Variants in RORA observed in about 807,000 individuals in gnomAD.
RORA encodes RAR related orphan receptor A, also known as nuclear receptor ROR-alpha.
In RORA, 7 loss-of-function variants were observed where a neutral mutation model predicts 69.5. That is an observed-to-expected ratio of 0.10 (90% CI 0.06 to 0.19). The LOEUF is 0.19. Among genes scored for constraint, RORA ranks in the 10% least tolerant of loss-of-function variants. The pLI, the probability that RORA is intolerant of heterozygous loss-of-function variation, is 1.00. For synonymous variants in RORA, 261 were observed against 240.8 expected (o/e 1.08, Z -0.78); for missense variants, 457 against 663.0 (o/e 0.69, Z 3.41).
At chr15:60,733,914 CAGAG>C (rs58672002) in intron 1 of RORA, among the ~76,000 whole-genome samples, 12,346 of 101,414 alleles carry the variant, frequency 0.12, 738 homozygotes, top group East Asian at 0.27. Context: ...AGAATAGGGG[CAGAG>C]AGAGAGAGAG....
rs371605782 is a variant in RORA, at chr15:61,124,566, C to T, written c.166+104487G>A. 8.5e-5 allele frequency among the ~76,000 whole-genome samples: 13 copies of T among 152,310 alleles called. 1 individual carries two copies. Among genetic ancestry groups the T allele is most frequent in the South Asian group, 8.3e-4 (4 of 4,830 alleles). The stretch of plus-strand genomic sequence containing the variant: ...AAGAGAAGAATAACCCTTTAGTTTC[C>T]GATGTAGGTCATTCTTTAAAAGCAA... On this transcript the variant is annotated intron_variant, in intron 1 of 10. Transcript: ENST00000335670.
intron 1 of RORA, among the ~76,000 whole-genome samples, chr15:61,092,669 A>T (rs2078725358): frequency 6.6e-6 from 1 of 152,254 alleles, no homozygotes; most frequent in Non-Finnish European, 1.5e-5. Context: ...ATTTACTTAC[A>T]TCTCTACAAT....
chr15:60,755,648 C>A (rs952385446), intron 1 of RORA, among the ~76,000 whole-genome samples: 1 of 152,148 alleles, frequency 6.6e-6, no homozygotes, highest in African/African-American at 2.4e-5. Flanking sequence ...CAGCAGAGAG[C>A]TGAGTCTTTT....
At chr15:60,664,628 G>A (rs2070355028) in intron 2 of RORA, among the ~76,000 whole-genome samples, 1 of 152,136 alleles carries the variant, frequency 6.6e-6, no homozygotes, top group African/African-American at 2.4e-5. Context: ...TGGACTTTAC[G>A]TTACAGGCAA....
At chr15:61,066,979 A>G (rs1595940507) in intron 1 of RORA, among the ~76,000 whole-genome samples, 2 of 150,624 alleles carry the variant, frequency 1.3e-5, no homozygotes, top group African/African-American at 4.9e-5. Context: ...TAAAGGTACG[A>G]TTGTGGAAAA....
chr15:60,816,067 C>CTG (rs2072811274), intron 1 of RORA, among the ~76,000 whole-genome samples: 2 of 142,128 alleles, frequency 1.4e-5, no homozygotes, highest in Non-Finnish European at 3.0e-5. Context: ...TATTTATATA[C>CTG]TATAAACAGT....
At chr15:61,031,529 T>C (rs754059042) in intron 1 of RORA, among the ~76,000 whole-genome samples, 1 of 152,180 alleles carries the variant, frequency 6.6e-6, no homozygotes, top group Non-Finnish European at 1.5e-5. Context: ...GTGTATGTTC[T>C]AGACATACAT....
intron 2 of RORA, among the ~76,000 whole-genome samples, chr15:60,556,175 G>C (rs182233463): frequency 6.6e-6 from 1 of 152,306 alleles, no homozygotes; most frequent in East Asian, 1.9e-4. Flanking sequence ...CATTTCAGGT[G>C]AGTGTTTAGG....
chr15:61,212,727 G>A (rs2080004945), intron 1 of RORA, among the ~76,000 whole-genome samples: 1 of 152,050 alleles, frequency 6.6e-6, no homozygotes, highest in African/African-American at 2.4e-5. Context: ...TAGATGTAGG[G>A]TCTCCAAGTC....
rs1267516981 is a variant in RORA, at chr15:60,492,937, C to G, written c.*4518G>C. ...TCATTATTATTAATAATAAAAAACA[C>G]AATTTGTCCCAGTAGTACTGGCCAC... On this transcript the variant is annotated 3_prime_UTR_variant, in exon 11 of 11. Transcript: ENST00000335670. The G allele has an allele frequency of 6.6e-6, 1 of 152,026 alleles. No homozygotes were observed. Among genetic ancestry groups the G allele is most frequent in the Admixed American group, 6.6e-5 (1 of 15,264 alleles). The allele number at this position is 152,026 out of a possible 1,614,324, so 9.4% of individuals were successfully genotyped here. A position where few individuals can be genotyped will look rare whatever the true frequency, so the allele number is the denominator to read the frequency against.
At chr15:60,693,122 C>T (rs1480993940) in intron 1 of RORA, among the ~76,000 whole-genome samples, 2 of 152,172 alleles carry the variant, frequency 1.3e-5, no homozygotes, top group African/African-American at 4.8e-5. Context: ...TGGCTTCATC[C>T]CCGGGATGCA....
chr15:60,846,401 C>T (rs1479677163), intron 1 of RORA, among the ~76,000 whole-genome samples: 2 of 152,228 alleles, frequency 1.3e-5, no homozygotes, highest in Non-Finnish European at 2.9e-5. Context: ...ATCGTAACTG[C>T]TTCTCCTCCA....
intron 1 of RORA, among the ~76,000 whole-genome samples, chr15:60,904,413 CT>C (rs1169569006): frequency 8.5e-5 from 13 of 152,256 alleles, no homozygotes; most frequent in Admixed American, 3.9e-4. Context: ...AGTATGATGG[CT>C]TGAAGAGGAG....
intron 1 of RORA, among the ~76,000 whole-genome samples, chr15:61,204,739 T>C (rs1218663088): frequency 6.6e-6 from 1 of 152,248 alleles, no homozygotes; most frequent in Non-Finnish European, 1.5e-5. Flanking sequence ...ACTGGTATTA[T>C]GACATGCAGC....
Position 60,722,474 on chromosome 15 carries a change from G to A in RORA, c.167-43788C>T, listed in dbSNP as rs372585746. ...TGCCTTATTTGTGTAGAGGACTTAC[G>A]TGCAGCTCTCTGACCTTCCTCTGGC... On this transcript the variant is annotated intron_variant, in intron 1 of 10. Coordinates refer to ENST00000335670, the MANE Select transcript of RORA (RefSeq NM_134261.3). Among the ~76,000 whole-genome samples the A allele has an allele frequency of 3.3e-5, 5 of 152,288 alleles. No homozygotes were observed. In the East Asian group the frequency reaches 9.6e-4, roughly 29 times the overall value.
chr15:60,595,306 A>G (rs1340998358), intron 2 of RORA, among the ~76,000 whole-genome samples: 1 of 152,150 alleles, frequency 6.6e-6, no homozygotes, highest in African/African-American at 2.4e-5. Context: ...TGAGGTCAGG[A>G]GTTCAAGACC....
At chr15:60,689,352 C>T (rs2041340781) in intron 1 of RORA, among the ~76,000 whole-genome samples, 1 of 152,190 alleles carries the variant, frequency 6.6e-6, no homozygotes, top group Admixed American at 6.5e-5. Flanking sequence ...TGGGATGAGA[C>T]ACTAAGGTGG....
At chr15:61,098,189 CCT>C (rs779200570) in intron 1 of RORA, among the ~76,000 whole-genome samples, 8 of 134,006 alleles carry the variant, frequency 6.0e-5, no homozygotes, top group South Asian at 2.8e-4. Flanking sequence ...TGCCTCCCTC[CCT>C]GTCTCCTTCC....
chr15:60,786,587 G>A lies in RORA; in HGVS notation c.167-107901C>T, dbSNP rs112937670. Among the ~76,000 whole-genome samples, 36 of 152,334 alleles carry A rather than the reference G, an allele frequency of 2.4e-4. 1 individual carries two copies. The highest frequency in any genetic ancestry group is 8.2e-4 in the African/African-American group (34 of 41,590). The stretch of plus-strand genomic sequence containing the variant: ...CCTTCTGCCACCAGGGCCAGCCAGG[G>A]TTGACAGTGGATCACGTGGCCTCCC... On this transcript the variant is annotated intron_variant, in intron 1 of 10. Transcript: ENST00000335670.
Sources: gnomAD v4.1 joint callset for allele counts (sites outside exome capture counted in the v4.1 genomes callset) on GRCh38, gnomAD v4.1.1 for gene constraint, MANE v1.5 for transcripts, NCBI Gene and HGNC (gene_info 2026-07-23, HGNC 2026-07-21) for gene names.